The following SNRNP40 variants were observed in gnomAD, a reference collection of about 807,000 sequenced individuals.
SNRNP40 encodes small nuclear ribonucleoprotein U5 subunit 40.
A neutral mutation model predicts 45.8 loss-of-function variants in SNRNP40; 21 were observed. That is an observed-to-expected ratio of 0.46 (90% CI 0.32 to 0.66). SNRNP40 has a LOEUF of 0.66. SNRNP40 is among the 30% of genes least tolerant of loss of function. SNRNP40 has a pLI of 0.03. For missense variants in SNRNP40, 344 were observed against 439.1 expected (o/e 0.78, Z 1.94); for synonymous variants, 142 against 163.8 (o/e 0.87, Z 1.01).
At position 31,267,906 on chromosome 1, in the gene SNRNP40, A is replaced by C; in HGVS notation, c.885T>G (p.Pro295=). 7 of 1,613,196 alleles carry C rather than the reference A, an allele frequency of 4.3e-6. No homozygotes were observed. Among genetic ancestry groups the C allele is most frequent in the Non-Finnish European group, 5.9e-6 (7 of 1,179,256 alleles). ...EKNLLRCSWS[P]DGSKIAAGSA... ...AGCCAGCTGCTATTTTGCTTCCATC[A>C]GGTGACCAAGAACATCTCAGAAGGT... The change falls in exon 8 of 10, where the codon CCT becomes CCG. Residue 295 remains proline, a synonymous_variant. Coordinates refer to ENST00000263694, the MANE Select transcript of SNRNP40 (RefSeq NM_004814.3).
rs77348814 is a variant in SNRNP40, at chr1:31,262,736, G to A, written c.921-1104C>T. ...TTTATTTGTCATTAAAAAAAATTAT[G>A]AGGCTGGGCATGGTGGCTCACATCT... On this transcript the variant is annotated intron_variant, in intron 8 of 9. Transcript: ENST00000263694. Among the ~76,000 whole-genome samples the A allele has an allele frequency of 6.7e-3, 1,015 of 151,990 alleles. 9 individuals carry two copies. The highest frequency in any genetic ancestry group is 0.023 in the African/African-American group (961 of 41,490).
Position 31,267,880 on chromosome 1 carries a change from G to A in SNRNP40, c.911C>T (p.Ser304Leu), listed in dbSNP as rs1645910607. 1 of 1,612,798 alleles carries A rather than the reference G, an allele frequency of 6.2e-7. No individual in the cohort carries two copies. The highest frequency in any genetic ancestry group is 8.5e-7 in the Non-Finnish European group (1 of 1,178,940). The change falls in exon 8 of 10, where the codon TCA becomes TTA. Residue 304 changes from serine to leucine, a missense_variant. Coordinates refer to ENST00000263694, the MANE Select transcript of SNRNP40 (RefSeq NM_004814.3). ...ACCCACTAATCCTTACCTGTCGGCT[G>A]AGCCAGCTGCTATTTTGCTTCCATC... Reference protein sequence around the residue: ...SPDGSKIAAGSADRFVYVWDT... With the variant: ...SPDGSKIAAGLADRFVYVWDT...
At chr1:31,293,792 G>C (rs1000287439) in intron 1 of SNRNP40, among the ~76,000 whole-genome samples, 1 of 152,020 alleles carries the variant, frequency 6.6e-6, no homozygotes, top group Non-Finnish European at 1.5e-5. Flanking sequence ...ACGTTGCCTA[G>C]GCTGGTCTCA....
intron 5 of SNRNP40, among the ~76,000 whole-genome samples, chr1:31,280,873 G>C (rs1367290641): frequency 1.3e-5 from 2 of 151,892 alleles, no homozygotes; most frequent in Admixed American, 1.3e-4. Flanking sequence ...ACTGGGATTA[G>C]AACCCAAGTC....
chr1:31,287,418 G>A (rs1043162439), intron 4 of SNRNP40, among the ~76,000 whole-genome samples: 1 of 151,996 alleles, frequency 6.6e-6, no homozygotes, highest in Non-Finnish European at 1.5e-5. Context: ...AAAACCAAAA[G>A]AAGGCAGACA....
intron 5 of SNRNP40, among the ~76,000 whole-genome samples, chr1:31,275,549 G>T (rs1481458598): frequency 6.6e-6 from 1 of 152,072 alleles, no homozygotes; most frequent in East Asian, 1.9e-4. Flanking sequence ...GCCACCACGC[G>T]CAGCTAATTT....
At chr1:31,261,241 C>T (rs1045614260) in intron 9 of SNRNP40, 3 of 394,974 alleles carry the variant, frequency 7.6e-6, no homozygotes, top group African/African-American at 6.3e-5. Context: ...ATCCCAGCTG[C>T]TTGGGAGGCT....
chr1:31,290,449 G>A (rs1183167568), intron 3 of SNRNP40, among the ~76,000 whole-genome samples: 1 of 152,038 alleles, frequency 6.6e-6, no homozygotes, highest in Non-Finnish European at 1.5e-5. Context: ...ACCTAACAAT[G>A]TAATTACTTT....
At chr1:31,292,959 G>C (rs1170883591) in intron 2 of SNRNP40, 3 of 453,922 alleles carry the variant, frequency 6.6e-6, no homozygotes, top group East Asian at 8.9e-5. Context: ...CTGGAGATTT[G>C]CCTCTATGAG....
chr1:31,269,497 A>C, intron 6 of SNRNP40: 1 of 809,992 alleles, frequency 1.2e-6, no homozygotes, highest in Non-Finnish European at 1.7e-6. Context: ...GGTAATTTGC[A>C]ACAGAATGCA....
chr1:31,281,245 A>G (rs1444964653), intron 5 of SNRNP40, 129 bp downstream of exon 5: 1 of 672,042 alleles, frequency 1.5e-6, no homozygotes, highest in Non-Finnish European at 2.4e-6. Flanking sequence ...AAAGAAAATA[A>G]GTTCCAAGTT....
chr1:31,271,916 T>C (rs1024325544), intron 5 of SNRNP40, among the ~76,000 whole-genome samples: 1 of 152,196 alleles, frequency 6.6e-6, no homozygotes, highest in African/African-American at 2.4e-5. Context: ...TTAACACGCA[T>C]GAGCCACTAT....
At chr1:31,283,531 G>A (rs191655363) in intron 4 of SNRNP40, among the ~76,000 whole-genome samples, 7 of 152,218 alleles carry the variant, frequency 4.6e-5, no homozygotes, top group Admixed American at 3.9e-4. Context: ...TGAACCCGGG[G>A]AGTGGAGGTT....
intron 8 of SNRNP40, 62 bp downstream of exon 8, chr1:31,267,809 G>T: frequency 7.7e-7 from 1 of 1,306,008 alleles, no homozygotes; most frequent in Non-Finnish European, 1.1e-6. Context: ...TGGGATTGCA[G>T]GCACGAGCCA....
At chr1:31,279,738 C>A (rs1035737504) in intron 5 of SNRNP40, among the ~76,000 whole-genome samples, 1 of 151,034 alleles carries the variant, frequency 6.6e-6, no homozygotes, top group Non-Finnish European at 1.5e-5. Context: ...CAGAGTGAGA[C>A]TCTGTCTCAA....
At chr1:31,279,859 A>C (rs933493531) in intron 5 of SNRNP40, among the ~76,000 whole-genome samples, 9 of 151,450 alleles carry the variant, frequency 5.9e-5, no homozygotes, top group Non-Finnish European at 1.2e-4. Flanking sequence ...CCGTAATCCC[A>C]GCACTTTGGG....
intron 8 of SNRNP40, among the ~76,000 whole-genome samples, chr1:31,262,457 G>T (rs1318133669): frequency 6.9e-6 from 1 of 145,422 alleles, no homozygotes; most frequent in African/African-American, 2.6e-5. Context: ...GGAGGTGGAG[G>T]TTGCAGTGAG....
At chr1:31,279,899 G>C (rs1313897106) in intron 5 of SNRNP40, among the ~76,000 whole-genome samples, 1 of 151,300 alleles carries the variant, frequency 6.6e-6, no homozygotes, top group Non-Finnish European at 1.5e-5. Flanking sequence ...ACAAGGTCAG[G>C]AGTTCGAGAT....
rs1645846058 is a variant in SNRNP40 at position 31,259,916 on chromosome 1, A to C, written c.*156T>G. 2.8e-6 allele frequency: 2 copies of C among 709,754 alleles called. No individual in the cohort carries two copies. The highest frequency in any genetic ancestry group is 4.0e-5 in the Admixed American group (2 of 49,978). The allele number at this position is 709,754 out of a possible 1,614,324, so 44.0% of individuals were successfully genotyped here. The stretch of plus-strand genomic sequence containing the variant: ...CTTAGTCATCCTGGTGAAATGGGAC[A>C]GAAGTGGTTTTTGGAATATGGCCAC... On this transcript the variant is annotated 3_prime_UTR_variant, in exon 10 of 10. Transcript: ENST00000263694.
Sources: allele counts gnomAD v4.1 joint callset (sites outside exome capture counted in the v4.1 genomes callset), GRCh38; gene constraint gnomAD v4.1.1; transcripts MANE v1.5; gene names NCBI Gene and HGNC (gene_info 2026-07-23, HGNC 2026-07-21).